The following KCNH1 variants were observed in gnomAD, a reference collection of about 807,000 sequenced individuals.
KCNH1 encodes voltage-gated delayed rectifier potassium channel KCNH1.
KCNH1 carries 27 observed loss-of-function variants against 69.2 expected under a neutral mutation model. That is an observed-to-expected ratio of 0.39 (90% CI 0.29 to 0.54). The LOEUF (loss-of-function observed/expected upper bound fraction) is 0.54. Among genes scored for constraint, KCNH1 ranks in the 20% least tolerant of loss-of-function variants. The pLI is 0.68. For missense variants in KCNH1, 798 were observed against 1,261.6 expected, an observed-to-expected ratio of 0.63 and a Z score of 5.57; for synonymous variants, 456 against 487.7, an observed-to-expected ratio of 0.93 and a Z score of 0.86.
chr1:210,754,741 G>A (rs1261172486), intron 10 of KCNH1, among the ~76,000 whole-genome samples: 1 of 151,966 alleles, frequency 6.6e-6, no homozygotes, highest in Non-Finnish European at 1.5e-5. Flanking sequence ...TGTATGGCCT[G>A]CAGAACCATG....
rs1223344908 is a variant in KCNH1, at chr1:211,018,993, A to G, written c.822T>C (p.Val274=). 6.2e-7 allele frequency: 1 copy of G among 1,614,096 alleles called. No homozygotes were observed. The highest frequency in any genetic ancestry group is 1.7e-5 in the Admixed American group (1 of 59,980). The change falls in exon 6 of 11, where the codon GTT becomes GTC. Residue 274 remains valine, a synonymous_variant. Coordinates refer to ENST00000271751, the MANE Select transcript of KCNH1 (RefSeq NM_172362.3). ...CAGAAATCACCTCCCCTGCTGGTCC[A>G]ACAAAGGTGGTATGAAAATTGAGCA... ...DIVLNFHTTF[V]GPAGEVISDP... is the part of the protein sequence containing the mutation.
chr1:210,917,766 G>A (rs1416835589), intron 7 of KCNH1, among the ~76,000 whole-genome samples: 1 of 152,132 alleles, frequency 6.6e-6, no homozygotes, highest in Non-Finnish European at 1.5e-5. Context: ...TGTTTATCGG[G>A]TGCCCCAAGG....
At chr1:210,868,203 A>T (rs951254282) in intron 7 of KCNH1, among the ~76,000 whole-genome samples, 1 of 152,076 alleles carries the variant, frequency 6.6e-6, no homozygotes, top group African/African-American at 2.4e-5. Flanking sequence ...TTGATGACTA[A>T]TTAAATGGAA....
intron 7 of KCNH1, among the ~76,000 whole-genome samples, chr1:210,881,296 C>T (rs550928499): frequency 6.6e-6 from 1 of 152,218 alleles, no homozygotes; most frequent in South Asian, 2.1e-4. Flanking sequence ...AGCCACCATG[C>T]CCAGCCAAAA....
intron 5 of KCNH1, among the ~76,000 whole-genome samples, 186 bp from the exon 6 acceptor site, chr1:211,019,442 C>A (rs1188472672): frequency 6.6e-6 from 1 of 152,132 alleles, no homozygotes; most frequent in Non-Finnish European, 1.5e-5. Flanking sequence ...CATAAAGAAA[C>A]AATTACAAAT....
At chr1:211,022,781 T>C (rs1262189369) in intron 5 of KCNH1, among the ~76,000 whole-genome samples, 2 of 152,018 alleles carry the variant, frequency 1.3e-5, no homozygotes. Flanking sequence ...AAATGTAATC[T>C]CATCCCAGTT....
intron 10 of KCNH1, among the ~76,000 whole-genome samples, chr1:210,693,228 TGA>T (rs1681561918): frequency 6.6e-6 from 1 of 152,190 alleles, no homozygotes; most frequent in African/African-American, 2.4e-5. Flanking sequence ...TGAAATAACA[TGA>T]GAGAAGCCCC....
intron 10 of KCNH1, among the ~76,000 whole-genome samples, chr1:210,712,312 C>G (rs1682098466): frequency 6.6e-6 from 1 of 152,148 alleles, no homozygotes; most frequent in Non-Finnish European, 1.5e-5. Context: ...TCATTGAGCC[C>G]ATGTGTGAAG....
chr1:210,884,648 C>T (rs1158212896), intron 7 of KCNH1, among the ~76,000 whole-genome samples: 2 of 152,162 alleles, frequency 1.3e-5, no homozygotes, highest in African/African-American at 4.8e-5. Flanking sequence ...GTCTGCCATC[C>T]TCCTTGCCTG....
At chr1:210,908,058 G>A (rs1024544770) in intron 7 of KCNH1, among the ~76,000 whole-genome samples, 14 of 152,170 alleles carry the variant, frequency 9.2e-5, no homozygotes, top group South Asian at 2.1e-4. Flanking sequence ...AAAGCCCACC[G>A]CAAAGGCAGA....
chr1:211,096,079 T>TTTATTTATTTATTTATTTA (rs1553379264), intron 3 of KCNH1, among the ~76,000 whole-genome samples: 3 of 135,752 alleles, frequency 2.2e-5, no homozygotes, highest in Non-Finnish European at 5.0e-5. Flanking sequence ...TTATTTATTT[T>TTTATTTATTTATTTATTTA]TTGAGATGGA....
chr1:210,732,557 T>C (rs1050442420), intron 10 of KCNH1, among the ~76,000 whole-genome samples: 5 of 152,168 alleles, frequency 3.3e-5, no homozygotes, highest in Non-Finnish European at 7.3e-5. Context: ...GGACAGAACC[T>C]CATTTGATCT....
intron 10 of KCNH1, among the ~76,000 whole-genome samples, chr1:210,695,430 C>A (rs1193494341): frequency 6.6e-6 from 1 of 152,206 alleles, no homozygotes. Context: ...CCATTTCTAA[C>A]CTACCTCTCA....
chr1:211,089,080 A>G (rs1243674473), intron 4 of KCNH1, among the ~76,000 whole-genome samples: 1 of 152,218 alleles, frequency 6.6e-6, no homozygotes, highest in Non-Finnish European at 1.5e-5. Context: ...TCCAGTAGTA[A>G]TAAAAACAAA....
chr1:210,985,351 T>C (rs760425300), intron 6 of KCNH1, among the ~76,000 whole-genome samples: 2 of 152,238 alleles, frequency 1.3e-5, no homozygotes, highest in Non-Finnish European at 2.9e-5. Flanking sequence ...CTCTTGCTTT[T>C]CTAGTTCTTT....
chr1:210,764,839 C>T (rs1683592166), intron 10 of KCNH1, among the ~76,000 whole-genome samples: 1 of 152,160 alleles, frequency 6.6e-6, no homozygotes, highest in Non-Finnish European at 1.5e-5. Flanking sequence ...ACCATTCGAC[C>T]TAGAAATCCC....
chr1:210,857,038 TG>T (rs1685865637), intron 7 of KCNH1, among the ~76,000 whole-genome samples: 1 of 151,394 alleles, frequency 6.6e-6, no homozygotes. Context: ...AGAGCCTTTC[TG>T]GGGGCTTGTA....
intron 7 of KCNH1, among the ~76,000 whole-genome samples, chr1:210,890,848 C>G (rs1686733513): frequency 6.6e-6 from 1 of 152,214 alleles, no homozygotes; most frequent in Non-Finnish European, 1.5e-5. Context: ...GAGATACCAT[C>G]CCACAGCAGT....
intron 5 of KCNH1, among the ~76,000 whole-genome samples, chr1:211,020,490 A>AT (rs1377060538): frequency 1.8e-5 from 2 of 111,058 alleles, no homozygotes; most frequent in African/African-American, 3.4e-5. Context: ...TGAATCAGTA[A>AT]TAAAAAAAAA....
Sources: gnomAD v4.1 joint callset for allele counts (sites outside exome capture counted in the v4.1 genomes callset) on GRCh38, gnomAD v4.1.1 for gene constraint, MANE v1.5 for transcripts, NCBI Gene and HGNC (gene_info 2026-07-23, HGNC 2026-07-21) for gene names.